Variants in MLIP observed in about 807,000 individuals in gnomAD.
MLIP encodes muscular LMNA-interacting protein.
In MLIP, 79 loss-of-function variants were observed where a neutral mutation model predicts 84.8. That is an observed-to-expected ratio of 0.93 (90% CI 0.78 to 1.12). MLIP has a LOEUF of 1.12. Ranked by LOEUF, MLIP falls within the 50% of genes most tolerant of loss-of-function variation. The probability of loss-of-function intolerance (pLI) is 0.00; values close to 1 mark genes in which losing one functional copy is unlikely to be tolerated. For missense variants in MLIP, 1,257 were observed against 1,160.6 expected (o/e 1.08, Z -1.21); for synonymous variants, 504 against 463.0 (o/e 1.09, Z -1.14).
intron 12 of MLIP, among the ~76,000 whole-genome samples, chr6:54,248,935 G>A (rs1014077146): frequency 6.6e-6 from 1 of 151,846 alleles, no homozygotes; most frequent in African/African-American, 2.4e-5. Context: ...AATAACCAAG[G>A]GAGTACACAA....
intron 1 of MLIP, among the ~76,000 whole-genome samples, chr6:54,020,738 G>A (rs1205087087): frequency 6.6e-6 from 1 of 152,194 alleles, no homozygotes; most frequent in East Asian, 1.9e-4. Context: ...AGAGGAAGTA[G>A]CTGTCACAAA....
At chr6:54,042,219 C>T (rs1050162242) in intron 1 of MLIP, among the ~76,000 whole-genome samples, 3 of 152,072 alleles carry the variant, frequency 2.0e-5, no homozygotes, top group Non-Finnish European at 2.9e-5. Flanking sequence ...ACTGAAAAGA[C>T]TCTCCCTAGA....
intron 12 of MLIP, among the ~76,000 whole-genome samples, chr6:54,240,325 A>G (rs541729554): frequency 6.6e-6 from 1 of 152,138 alleles, no homozygotes; most frequent in Non-Finnish European, 1.5e-5. Flanking sequence ...CATTACTCTC[A>G]TCTTAAATAC....
chr6:54,215,221 C>G (rs1024597546), intron 11 of MLIP: 43 of 1,531,926 alleles, frequency 2.8e-5, no homozygotes, highest in Non-Finnish European at 3.6e-5. Context: ...GAACCCTATC[C>G]TTGTGGCTAG....
chr6:54,126,424 G>A (rs1341967864), intron 3 of MLIP, among the ~76,000 whole-genome samples: 3 of 151,468 alleles, frequency 2.0e-5, no homozygotes, highest in Admixed American at 6.6e-5. Flanking sequence ...GCAGGTTATA[G>A]TTCATGTTAT....
chr6:54,128,941 G>C (rs143380889), intron 3 of MLIP, among the ~76,000 whole-genome samples: 68 of 151,882 alleles, frequency 4.5e-4, no homozygotes, highest in Middle Eastern at 3.4e-3. Flanking sequence ...TTTTTGGAGG[G>C]GGGGCACAAA....
In MLIP at chr6:54,087,137, C is replaced by T. The variant is rs529993183; in HGVS notation, c.64-34310C>T. On this transcript the variant is annotated intron_variant, in intron 1 of 12. Coordinates refer to the MLIP transcript ENST00000274897. ...GCTCAGTCAAGATTTTTTGAACAAA[C>T]GATGAGTAAATGAATATTATGATAT... 1.4e-4 allele frequency among the ~76,000 whole-genome samples: 21 copies of T among 152,168 alleles called. No homozygotes were observed. The East Asian group carries it at 2.9e-3, about 21-fold the overall frequency.
At chr6:54,173,298 G>A (rs1775954998) in intron 9 of MLIP, among the ~76,000 whole-genome samples, 1 of 151,644 alleles carries the variant, frequency 6.6e-6, no homozygotes, top group African/African-American at 2.4e-5. Context: ...AGTACATACT[G>A]GAAATAGTTT....
chr6:54,105,614 G>T (rs1374095179), intron 1 of MLIP, among the ~76,000 whole-genome samples: 1 of 152,134 alleles, frequency 6.6e-6, no homozygotes, highest in Non-Finnish European at 1.5e-5. Context: ...AGCATCAGAG[G>T]TTGGTAAGTC....
chr6:54,059,068 G>A (rs1486034617), intron 1 of MLIP: 1 of 152,130 alleles, frequency 6.6e-6, no homozygotes, highest in Non-Finnish European at 1.5e-5. Context: ...TGATATATTG[G>A]TTGGGCGTAC....
chr6:54,210,031 T>C (rs1390535762), intron 11 of MLIP, among the ~76,000 whole-genome samples: 51 of 151,086 alleles, frequency 3.4e-4, no homozygotes, highest in African/African-American at 1.1e-3. Context: ...GTTTAGAACT[T>C]AGAACTACTT....
intron 1 of MLIP, among the ~76,000 whole-genome samples, chr6:54,081,192 G>T (rs1767122336): frequency 6.6e-6 from 1 of 151,954 alleles, no homozygotes; most frequent in Non-Finnish European, 1.5e-5. Flanking sequence ...GAACTTCCTC[G>T]CACCATCCTT....
chr6:54,124,442 C>A, intron 2 of MLIP, 31 bp from the exon 3 acceptor site: 1 of 1,563,582 alleles, frequency 6.4e-7, no homozygotes, highest in South Asian at 1.2e-5. Flanking sequence ...AAACTAATGT[C>A]AATGCTTTTA....
intron 5 of MLIP, among the ~76,000 whole-genome samples, chr6:54,152,422 A>G (rs1392836288): frequency 6.6e-6 from 1 of 152,184 alleles, no homozygotes; most frequent in Non-Finnish European, 1.5e-5. Flanking sequence ...ACAGTTCCAC[A>G]TGGCTGAGGA....
upstream of MLIP, among the ~76,000 whole-genome samples, chr6:54,107,013 C>G (rs1769066067): frequency 3.3e-5 from 5 of 152,296 alleles, no homozygotes; most frequent in South Asian, 1.0e-3. Context: ...TGCCTGAAAC[C>G]AAGCTAAGAA....
At chr6:54,220,687 A>G (rs1780157432) in intron 11 of MLIP, among the ~76,000 whole-genome samples, 1 of 152,218 alleles carries the variant, frequency 6.6e-6, no homozygotes, top group Admixed American at 6.5e-5. Context: ...AATATGAAAT[A>G]TACAGAAAGT....
intron 1 of MLIP, among the ~76,000 whole-genome samples, chr6:54,116,851 G>A (rs1769967206): frequency 6.6e-6 from 1 of 152,144 alleles, no homozygotes; most frequent in African/African-American, 2.4e-5. Context: ...TCAACAAAGT[G>A]CTAGTAAACT....
At chr6:54,075,036 T>C (rs1766712908) in intron 1 of MLIP, among the ~76,000 whole-genome samples, 1 of 151,906 alleles carries the variant, frequency 6.6e-6, no homozygotes, top group Non-Finnish European at 1.5e-5. Context: ...TCACTTGAGG[T>C]CGGGAGTTCA....
chr6:54,219,994 A>C (rs574121284), intron 11 of MLIP, among the ~76,000 whole-genome samples: 2 of 152,190 alleles, frequency 1.3e-5, no homozygotes, highest in East Asian at 3.8e-4. Context: ...AAAATAATCT[A>C]GATTGACTAT....
Sources: gnomAD v4.1 joint callset for allele counts (sites outside exome capture counted in the v4.1 genomes callset) on GRCh38, gnomAD v4.1.1 for gene constraint, MANE v1.5 for transcripts, NCBI Gene and HGNC (gene_info 2026-07-23, HGNC 2026-07-21) for gene names.